SYCP2: variants seen among roughly 807,000 people sequenced by gnomAD.
The protein encoded by SYCP2 is synaptonemal complex lateral element protein.
Under a neutral mutation model 211.3 loss-of-function variants are expected in SYCP2, and 55 were observed. That is an observed-to-expected ratio of 0.26 (90% confidence interval 0.21 to 0.33). The LOEUF (loss-of-function observed/expected upper bound fraction) is 0.33, where lower values mean the gene tolerates loss of function less well. SYCP2 is among the 10% of genes least tolerant of loss of function. SYCP2 has a pLI of 1.00. For synonymous variants in SYCP2, 570 were observed against 555.2 expected (o/e 1.03, Z -0.37); for missense variants, 1,731 against 1,752.0 (o/e 0.99, Z 0.21).
chr20:59,888,685 T>C (rs2059843618), intron 24 of SYCP2, among the ~76,000 whole-genome samples: 1 of 152,026 alleles, frequency 6.6e-6, no homozygotes, highest in African/African-American at 2.4e-5. Context: ...AACAGGTATA[T>C]TGATTGGGAA....
At chr20:59,878,196 T>C (rs533314386) in intron 31 of SYCP2, 151 bp from the exon 32 acceptor site, 24 of 586,150 alleles carry the variant, frequency 4.1e-5, no homozygotes, top group African/African-American at 3.7e-4. Context: ...TGAACCTCCA[T>C]GTGGCCTCAG....
chr20:59,893,657 G>A (rs1405074663), intron 20 of SYCP2, 64 bp from the exon 21 acceptor site: 10 of 1,206,386 alleles, frequency 8.3e-6, no homozygotes, highest in Non-Finnish European at 1.2e-5. Flanking sequence ...AAATGTTACA[G>A]TATTAAGGTT....
intron 38 of SYCP2, 44 bp from the exon 39 acceptor site, chr20:59,867,891 T>C: frequency 6.8e-7 from 1 of 1,467,808 alleles, no homozygotes; most frequent in Non-Finnish European, 9.4e-7. Context: ...TATGCATTAC[T>C]CTAAATTTAG....
chr20:59,880,226 C>T lies in SYCP2; in HGVS notation c.2941+77G>A, dbSNP rs2059649438. The T allele has an allele frequency of 7.7e-6, 9 of 1,169,776 alleles. No homozygotes were observed. In the Middle Eastern group the frequency reaches 8.6e-4, roughly 112 times the overall value. The allele number at this position is 1,169,776 out of a possible 1,614,324, so 72.5% of individuals were successfully genotyped here. On this transcript the variant is annotated intron_variant, in intron 31 of 44. Coordinates refer to ENST00000357552, the MANE Select transcript of SYCP2 (RefSeq NM_014258.4). The stretch of plus-strand genomic sequence containing the variant: ...TAATGAACAGTCTAAATACAATAAG[C>T]TTATATAAAGCATTTTCAATAATTG...
chr20:59,866,028 T>C (rs1217749716), intron 41 of SYCP2, among the ~76,000 whole-genome samples, 163 bp from the exon 42 acceptor site: 1 of 151,522 alleles, frequency 6.6e-6, no homozygotes, highest in Non-Finnish European at 1.5e-5. Context: ...TTAAAAATAT[T>C]CCAGATGTCA....
chr20:59,882,749 G>T (rs114349887), intron 26 of SYCP2, among the ~76,000 whole-genome samples: 2 of 151,980 alleles, frequency 1.3e-5, no homozygotes, highest in African/African-American at 2.4e-5. Flanking sequence ...GAGATAGAGC[G>T]TAGAACGGTG....
At chr20:59,932,828 GCC>G (rs1204979836) in intron 1 of SYCP2, among the ~76,000 whole-genome samples, 1 of 152,150 alleles carries the variant, frequency 6.6e-6, no homozygotes. Flanking sequence ...GGGGCTGGCG[GCC>G]TCAACCGCAA....
chr20:59,868,722 T>C (rs1189848025), intron 37 of SYCP2, 113 bp downstream of exon 37: 1 of 1,260,056 alleles, frequency 7.9e-7, no homozygotes, highest in East Asian at 2.5e-5. Flanking sequence ...GTTTATTTTC[T>C]TTTTACATTA....
In SYCP2 at chr20:59,874,004, G is replaced by C. The variant is rs138418751; in HGVS notation, c.3407C>G (p.Ser1136Cys). The C allele has an allele frequency of 6.9e-5, 111 of 1,612,400 alleles. No individual in the cohort carries two copies. The African/African-American group carries it at 1.3e-3, about 19-fold the overall frequency. ...FTQDYDCITKSISPYPKTSSL... is the reference protein window; with the variant it reads ...FTQDYDCITKCISPYPKTSSL... Reference sequence around the variant, plus strand: ...TGAAGTTTTTGGATAAGGTGATATAGATTTTGTTATGCAGTCATAATCCTG... The same window carrying C: ...TGAAGTTTTTGGATAAGGTGATATACATTTTGTTATGCAGTCATAATCCTG... The change falls in exon 35 of 45, where the codon TCT (serine) becomes TGT (cysteine). Residue 1136 changes from serine to cysteine, a missense_variant. Coordinates refer to ENST00000357552, the MANE Select transcript of SYCP2 (RefSeq NM_014258.4).
intron 12 of SYCP2, among the ~76,000 whole-genome samples, chr20:59,913,355 T>G (rs1179929819): frequency 1.3e-5 from 2 of 152,132 alleles, no homozygotes; most frequent in African/African-American, 4.8e-5. Context: ...GCACAACCCT[T>G]ACAATACCGT....
At chr20:59,917,918 G>T (rs1600974219) in intron 7 of SYCP2, among the ~76,000 whole-genome samples, 1 of 152,274 alleles carries the variant, frequency 6.6e-6, no homozygotes, top group East Asian at 1.9e-4. Context: ...TTGCATGACT[G>T]TATTACTCAC....
chr20:59,921,723 C>T (rs531125842), intron 3 of SYCP2, among the ~76,000 whole-genome samples: 4 of 151,288 alleles, frequency 2.6e-5, no homozygotes, highest in Admixed American at 2.0e-4. Flanking sequence ...TTATGTCAAC[C>T]TCAACAGAAA....
intron 35 of SYCP2, 136 bp from the exon 36 acceptor site, chr20:59,870,119 C>T (rs2059422444): frequency 7.3e-6 from 4 of 548,456 alleles, no homozygotes; most frequent in African/African-American, 5.8e-5. Flanking sequence ...AATTCAATTC[C>T]AATTCATAAC....
intron 26 of SYCP2, 131 bp downstream of exon 26, chr20:59,885,797 G>T: frequency 1.4e-6 from 1 of 740,388 alleles, no homozygotes; most frequent in Non-Finnish European, 2.3e-6. Flanking sequence ...CCTGTCAGTG[G>T]TTATCATTCA....
chr20:59,914,094 T>C lies in SYCP2; in HGVS notation c.777+15A>G, dbSNP rs770062235. 12 of 1,585,616 alleles carry C rather than the reference T, an allele frequency of 7.6e-6. No homozygotes were observed. Among genetic ancestry groups the C allele is most frequent in the Non-Finnish European group, 9.4e-6 (11 of 1,165,858 alleles). ...TTAAAAATTCACGAATTTCTGTTAT[T>C]GTTATACAACTTACTGTTTCAAATT... On this transcript the variant is annotated intron_variant, in intron 11 of 44. Coordinates refer to ENST00000357552, the MANE Select transcript of SYCP2 (RefSeq NM_014258.4).
intron 36 of SYCP2, among the ~76,000 whole-genome samples, chr20:59,869,281 C>CT (rs767027819): frequency 3.3e-5 from 5 of 151,748 alleles, no homozygotes; most frequent in Non-Finnish European, 7.4e-5. Flanking sequence ...TTATGTTATA[C>CT]TATTTGAATA....
At chr20:59,927,594 C>T (rs1271202912) in intron 2 of SYCP2, among the ~76,000 whole-genome samples, 2 of 152,074 alleles carry the variant, frequency 1.3e-5, no homozygotes, top group Non-Finnish European at 2.9e-5. Flanking sequence ...GGAAAAGAAC[C>T]ATCCAGATAA....
chr20:59,898,161 G>T (rs1468889345), intron 18 of SYCP2, among the ~76,000 whole-genome samples: 1 of 152,086 alleles, frequency 6.6e-6, no homozygotes, highest in African/African-American at 2.4e-5. Context: ...ACAGTGTGGT[G>T]ATTCCTCAAG....
intron 17 of SYCP2, among the ~76,000 whole-genome samples, 154 bp downstream of exon 17, chr20:59,900,588 CAT>C (rs1424648788): frequency 6.6e-6 from 1 of 152,084 alleles, no homozygotes; most frequent in Non-Finnish European, 1.5e-5. Context: ...TCATTAATAA[CAT>C]GTTTAAACAT....
Sources: gnomAD v4.1 joint callset for allele counts (sites outside exome capture counted in the v4.1 genomes callset) on GRCh38, gnomAD v4.1.1 for gene constraint, MANE v1.5 for transcripts, NCBI Gene and HGNC (gene_info 2026-07-23, HGNC 2026-07-21) for gene names.